GATA6: variants seen among roughly 807,000 people sequenced by gnomAD.
GATA6 encodes GATA binding protein 6.
Under a neutral mutation model 48.1 loss-of-function variants are expected in GATA6, and 11 were observed. That is an observed-to-expected ratio of 0.23 (90% CI 0.14 to 0.38). The LOEUF (loss-of-function observed/expected upper bound fraction) is 0.38, where lower values mean the gene tolerates loss of function less well. Among genes scored for constraint, GATA6 ranks in the 10% least tolerant of loss-of-function variants. The probability of loss-of-function intolerance (pLI) is 1.00; values close to 1 mark genes in which losing one functional copy is unlikely to be tolerated. For missense variants in GATA6, 795 were observed against 850.3 expected, an observed-to-expected ratio of 0.93 and a Z score of 0.81; for synonymous variants, 419 against 396.1, an observed-to-expected ratio of 1.06 and a Z score of -0.69.
Position 22,200,644 on chromosome 18 carries a change from C to T in GATA6, c.1621-12C>T, listed in dbSNP as rs1160333956. On this transcript the variant is annotated splice_polypyrimidine_tract_variant and intron_variant, in intron 6 of 6. Transcript: ENST00000269216. ...CTTCTCGTCTCTCCTCTGTGTCCCC[C>T]TCTTCTGCCAGGCGGGTGCCCCGGT... 1 of 1,614,278 alleles carries T rather than the reference C, an allele frequency of 6.2e-7. No homozygotes were observed. The highest frequency in any genetic ancestry group is 8.5e-7 in the Non-Finnish European group (1 of 1,180,046).
At chr18:22,169,984 T>C (rs1448735976) in intron 1 of GATA6, among the ~76,000 whole-genome samples, 1 of 152,242 alleles carries the variant, frequency 6.6e-6, no homozygotes, top group Non-Finnish European at 1.5e-5. Context: ...TCTTTCTTGC[T>C]ATCTAGCCAG....
chr18:22,172,160 C>T lies in GATA6; in HGVS notation c.1016C>T (p.Pro339Leu). The change falls in exon 2 of 7, where the codon CCC (proline) becomes CTC (leucine). Residue 339 changes from proline to leucine, a missense_variant. Pro to Leu is a moderately conservative substitution (Grantham distance 98, BLOSUM62 -3). Coordinates refer to ENST00000269216, the MANE Select transcript of GATA6 (RefSeq NM_005257.6). The surrounding 1 kb of genome is among the most constrained non-coding windows in gnomAD (Gnocchi z 5.2). ...CACCACCATCCGAGCCCCTACTCGC[C>T]CTACGTGGGGGCGCCACTGACGCCT... ...HHHHHPSPYS[P>L]YVGAPLTPAW... The T allele has an allele frequency of 6.5e-7, 1 of 1,533,128 alleles. No individual in the cohort carries two copies. 95.0% of individuals were successfully genotyped at this position (1,533,128 alleles called of 1,614,324 possible). A position where few individuals can be genotyped will look rare whatever the true frequency, so the allele number is the denominator to read the frequency against.
At chr18:22,175,143 A>AT (rs201041015) in intron 2 of GATA6, among the ~76,000 whole-genome samples, 93 of 151,268 alleles carry the variant, frequency 6.1e-4, no homozygotes, top group East Asian at 1.2e-3. Context: ...TAAAGACAGC[A>AT]TTTTTTTTTC....
At chr18:22,177,151 G>T (rs984833332) in intron 3 of GATA6, 30 bp downstream of exon 3, 1 of 1,534,630 alleles carries the variant, frequency 6.5e-7, no homozygotes, top group Admixed American at 2.0e-5. Context: ...CCCCTGGCTC[G>T]CGGCCGGCCC....
chr18:22,189,926 A>C (rs1269668511), intron 6 of GATA6, among the ~76,000 whole-genome samples: 2 of 152,218 alleles, frequency 1.3e-5, no homozygotes, highest in Non-Finnish European at 2.9e-5. Context: ...GAACAGTTCC[A>C]AGGTCACGTG....
chr18:22,174,531 AT>A (rs938505207), intron 2 of GATA6, among the ~76,000 whole-genome samples: 1 of 151,984 alleles, frequency 6.6e-6, no homozygotes, highest in African/African-American at 2.4e-5. Context: ...TTTTTTAAGT[AT>A]TTTTTTAAGT....
chr18:22,176,697 G>A, intron 2 of GATA6: 1 of 433,006 alleles, frequency 2.3e-6, no homozygotes, highest in South Asian at 2.7e-5. Flanking sequence ...GACGTCCTCT[G>A]CTTCCAGCAC....
In GATA6 at chr18:22,187,473, TC is replaced by T. The variant is rs1195467870; in HGVS notation, c.1620+4431del. On this transcript the variant is annotated intron_variant, in intron 6 of 6. Transcript: ENST00000269216. The stretch of plus-strand genomic sequence containing the variant: ...CCAGCCTGGGCAACAAGAGCAAAAC[TC>T]TGTCTCAGAAAAAAAAAAAAATTTT... Among the ~76,000 whole-genome samples the T allele has an allele frequency of 8.7e-4, 132 of 151,230 alleles. 1 individual carries two copies. Among genetic ancestry groups the T allele is most frequent in the Non-Finnish European group, 7.4e-5 (5 of 67,950 alleles).
At chr18:22,181,885 G>T (rs1345556902) in intron 4 of GATA6, among the ~76,000 whole-genome samples, 1 of 141,524 alleles carries the variant, frequency 7.1e-6, no homozygotes, top group Admixed American at 6.7e-5. Flanking sequence ...AATGTGAAAA[G>T]TGTGTATTTT....
Position 22,196,635 on chromosome 18 carries a change from A to G in GATA6, c.1621-4021A>G, listed in dbSNP as rs114242949. Among the ~76,000 whole-genome samples, 325 of 152,110 alleles carry G rather than the reference A, an allele frequency of 2.1e-3. 1 individual carries two copies. The highest frequency in any genetic ancestry group is 7.5e-3 in the African/African-American group (311 of 41,508). The stretch of plus-strand genomic sequence containing the variant: ...ACATGCTTGTGGTCCCAGTTATTCG[A>G]GAGGCTGAGATGGGAGGATCTCTTC... On this transcript the variant is annotated intron_variant, in intron 6 of 6. Transcript: ENST00000269216.
chr18:22,181,415 CTT>C (rs2033194201), intron 3 of GATA6, 36 bp from the exon 4 acceptor site: 1 of 1,610,108 alleles, frequency 6.2e-7, no homozygotes. Context: ...ATATATGTCA[CTT>C]ATATTTTTCC....
intron 6 of GATA6, among the ~76,000 whole-genome samples, chr18:22,192,813 A>C (rs2033343750): frequency 6.6e-6 from 1 of 152,168 alleles, no homozygotes; most frequent in South Asian, 2.1e-4. Context: ...TCTCCCTTGC[A>C]ATTTATATTT....
intron 6 of GATA6, among the ~76,000 whole-genome samples, chr18:22,190,980 A>T (rs1194924183): frequency 1.4e-5 from 2 of 139,992 alleles, no homozygotes; most frequent in African/African-American, 5.3e-5. Flanking sequence ...GCATACTTTC[A>T]TTCTGATCTC....
In GATA6 at chr18:22,176,983, C is replaced by T. The variant is rs750042613; in HGVS notation, c.1164C>T (p.Arg388=). ...ADLLEDLSES[R]ECVNCGSIQT... ...TGCTGGAGGACCTGTCCGAGAGCCG[C>T]GAGTGCGTGAACTGCGGCTCCATCC... Residue 388 remains arginine (R), a synonymous_variant, in exon 3 of 7, where the codon CGC becomes CGT. Coordinates refer to ENST00000269216, the MANE Select transcript of GATA6 (RefSeq NM_005257.6). 7 of 1,567,844 alleles carry T rather than the reference C, an allele frequency of 4.5e-6. No individual in the cohort carries two copies. Among genetic ancestry groups the T allele is most frequent in the Middle Eastern group, 2.2e-4 (1 of 4,484 alleles).
chr18:22,177,231 G>A, intron 3 of GATA6, 110 bp downstream of exon 3: 3 of 1,040,842 alleles, frequency 2.9e-6, no homozygotes, highest in Non-Finnish European at 4.0e-6. Context: ...CCAGGGGACA[G>A]GTGCGGCCGC....
At chr18:22,178,492 C>G (rs2033154990) in intron 3 of GATA6, among the ~76,000 whole-genome samples, 1 of 152,172 alleles carries the variant, frequency 6.6e-6, no homozygotes, top group Non-Finnish European at 1.5e-5. Context: ...TCTTAAGTAT[C>G]CCAGTAATTT....
At chr18:22,179,677 CAAAG>C (rs1386485989) in intron 3 of GATA6, among the ~76,000 whole-genome samples, 3 of 151,988 alleles carry the variant, frequency 2.0e-5, no homozygotes, top group Admixed American at 6.6e-5. Context: ...CTTTTAACCA[CAAAG>C]AAAGAAAAAA....
chr18:22,178,364 T>A (rs183566675), intron 3 of GATA6, among the ~76,000 whole-genome samples: 1 of 152,282 alleles, frequency 6.6e-6, no homozygotes, highest in Admixed American at 6.5e-5. Context: ...ACCGCTGTAA[T>A]AGAGAAAATA....
chr18:22,178,419 A>T (rs2033154073), intron 3 of GATA6, among the ~76,000 whole-genome samples: 1 of 152,242 alleles, frequency 6.6e-6, no homozygotes, highest in Admixed American at 6.5e-5. Context: ...ACATTTGTTT[A>T]GCGAAGTACT....
Sources: allele counts gnomAD v4.1 joint callset (sites outside exome capture counted in the v4.1 genomes callset), GRCh38; gene constraint gnomAD v4.1.1; non-coding constraint Gnocchi (gnomAD v3.1); transcripts MANE v1.5; gene names NCBI Gene and HGNC (gene_info 2026-07-23, HGNC 2026-07-21).